The following PREX2 variants were observed in gnomAD, a reference collection of about 807,000 sequenced individuals.
PREX2 encodes the protein phosphatidylinositol 3,4,5-trisphosphate-dependent Rac exchanger 2 protein.
PREX2 carries 107 observed loss-of-function variants against 203.2 expected under a neutral mutation model. That is an observed-to-expected ratio of 0.53 (90% CI 0.45 to 0.62). The LOEUF (loss-of-function observed/expected upper bound fraction) is 0.62. PREX2 is among the 20% of genes least tolerant of loss of function. The pLI is 0.00. For missense variants in PREX2, 1,777 were observed against 1,955.9 expected (o/e 0.91, Z 1.72); for synonymous variants, 672 against 663.6 (o/e 1.01, Z -0.19).
At chr8:68,210,793 A>G (rs1034157076) in intron 37 of PREX2, among the ~76,000 whole-genome samples, 3 of 152,186 alleles carry the variant, frequency 2.0e-5, no homozygotes. Context: ...CAACTGTAGG[A>G]GGCCCGTAGT....
intron 1 of PREX2, among the ~76,000 whole-genome samples, chr8:67,981,167 T>C (rs1440035802): frequency 6.6e-6 from 1 of 152,150 alleles, no homozygotes; most frequent in Non-Finnish European, 1.5e-5. Context: ...ATGTTGGGTG[T>C]TTCCAACAAA....
At position 68,069,104 on chromosome 8, in the gene PREX2, C is replaced by G. The variant is rs368570319; in HGVS notation, c.1411C>G (p.Pro471Ala). 8.9e-6 allele frequency: 14 copies of G among 1,573,302 alleles called. No homozygotes were observed. The highest frequency in any genetic ancestry group is 8.6e-6 in the Non-Finnish European group (10 of 1,161,622). The change falls in exon 12 of 40, where the codon CCA (proline) becomes GCA (alanine). Residue 471 changes from proline to alanine, a missense_variant. Coordinates refer to ENST00000288368, the MANE Select transcript of PREX2 (RefSeq NM_024870.4). Reference protein sequence around the residue: ...RFRYDDGTFYPRNEMQDVISK... With the variant: ...RFRYDDGTFYARNEMQDVISK... ...TCGCTATGATGATGGAACATTTTAT[C>G]CAAGAAATGAGATGCAGGACGTGAT... is the stretch of plus-strand genomic sequence containing the variant.
intron 27 of PREX2, chr8:68,118,934 A>G (rs1032995044): frequency 1.8e-6 from 1 of 564,744 alleles, no homozygotes. Flanking sequence ...TACACAGGAA[A>G]TATACTGGAA....
intron 26 of PREX2, among the ~76,000 whole-genome samples, chr8:68,116,449 C>G (rs1004501661): frequency 2.0e-5 from 3 of 152,108 alleles, no homozygotes; most frequent in African/African-American, 7.2e-5. Context: ...GCTGCTGTAA[C>G]AGATTACTAC....
chr8:68,113,177 G>A (rs577415993), intron 25 of PREX2, among the ~76,000 whole-genome samples: 2 of 152,172 alleles, frequency 1.3e-5, no homozygotes, highest in Non-Finnish European at 1.5e-5. Flanking sequence ...TAAAAATACA[G>A]TTTTTCTATC....
intron 31 of PREX2, among the ~76,000 whole-genome samples, chr8:68,132,222 A>G (rs181572964): frequency 3.3e-5 from 5 of 152,258 alleles, no homozygotes; most frequent in South Asian, 4.1e-4. Flanking sequence ...CATTTGTTCA[A>G]TGTCTACTGT....
chr8:68,098,090 C>T (rs1381399890), intron 22 of PREX2, among the ~76,000 whole-genome samples: 1 of 152,148 alleles, frequency 6.6e-6, no homozygotes, highest in Non-Finnish European at 1.5e-5. Flanking sequence ...TAATAAAATA[C>T]ATGGTAAAGA....
At chr8:68,226,870 C>T (rs1813066167) in intron 39 of PREX2, among the ~76,000 whole-genome samples, 1 of 152,198 alleles carries the variant, frequency 6.6e-6, no homozygotes, top group Non-Finnish European at 1.5e-5. Context: ...CAGAATACTC[C>T]TGGGCCTGTC....
At chr8:68,216,246 A>G (rs1204367017) in intron 37 of PREX2, among the ~76,000 whole-genome samples, 1 of 152,222 alleles carries the variant, frequency 6.6e-6, no homozygotes, top group East Asian at 1.9e-4. Flanking sequence ...GAGCCTCATA[A>G]CCAAGAACTT....
chr8:68,068,886 T>C (rs1320089432), intron 11 of PREX2, 147 bp from the exon 12 acceptor site: 6 of 417,164 alleles, frequency 1.4e-5, no homozygotes, highest in Non-Finnish European at 2.5e-5. Context: ...AAATACTCAA[T>C]TGGTATTGCT....
intron 1 of PREX2, among the ~76,000 whole-genome samples, chr8:67,970,240 A>G (rs1448402545): frequency 6.6e-6 from 1 of 152,202 alleles, no homozygotes; most frequent in Non-Finnish European, 1.5e-5. Context: ...TTGGAGTCAT[A>G]GCCTCTAAAT....
intron 6 of PREX2, among the ~76,000 whole-genome samples, chr8:68,035,848 T>C (rs16934026): frequency 0.12 from 18,424 of 152,150 alleles, 3,419 homozygotes; most frequent in African/African-American, 0.4. Context: ...ACAGAAGCAT[T>C]TCAGTCAGAT....
chr8:68,131,137 C>T (rs1265626506), intron 31 of PREX2, among the ~76,000 whole-genome samples: 1 of 152,196 alleles, frequency 6.6e-6, no homozygotes, highest in Non-Finnish European at 1.5e-5. Context: ...TTTTAATGTG[C>T]TCTCCCAATA....
chr8:68,110,900 G>A (rs1159678580), intron 25 of PREX2: 4 of 400,248 alleles, frequency 1.0e-5, no homozygotes, highest in African/African-American at 2.1e-5. Context: ...TGCTAGTTTT[G>A]TATATTATAC....
chr8:68,125,556 G>T (rs1430699266), intron 30 of PREX2, among the ~76,000 whole-genome samples: 3 of 152,092 alleles, frequency 2.0e-5, no homozygotes, highest in Non-Finnish European at 4.4e-5. Context: ...TGAATTAAGT[G>T]AGGACAGATT....
Position 68,108,279 on chromosome 8 carries a change from G to A in PREX2, c.2886G>A (p.Leu962=), listed in dbSNP as rs368739381. 1.2e-6 allele frequency: 2 copies of A among 1,613,854 alleles called. No individual in the cohort carries two copies. Among genetic ancestry groups the A allele is most frequent in the African/African-American group, 2.7e-5 (2 of 74,910 alleles). ...TGGGAAGTGCATTTGGTGTTCAGTTGGATAGCAGGAAGCATAATTCTCATG... is the reference window on the plus strand; with the variant it reads ...TGGGAAGTGCATTTGGTGTTCAGTTAGATAGCAGGAAGCATAATTCTCATG... The part of the protein sequence containing the change: ...TSLGSAFGVQ[L]DSRKHNSHDK... The change falls in exon 24 of 40, where the codon TTG becomes TTA. Residue 962 remains leucine (L), a synonymous_variant. Transcript: ENST00000288368.
intron 39 of PREX2, among the ~76,000 whole-genome samples, chr8:68,229,964 C>T (rs2129615611): frequency 6.6e-6 from 1 of 152,284 alleles, no homozygotes; most frequent in South Asian, 2.1e-4. Context: ...GTATTCTTTT[C>T]TCTGGGAAGG....
At chr8:68,155,971 A>G (rs1811536603) in intron 34 of PREX2, among the ~76,000 whole-genome samples, 2 of 152,232 alleles carry the variant, frequency 1.3e-5, no homozygotes, top group Admixed American at 1.3e-4. Flanking sequence ...TTTTTATTAC[A>G]TTAATATTTC....
At position 68,055,944 on chromosome 8, in the gene PREX2, T is replaced by G. The variant is rs1393105238; in HGVS notation, c.1208T>G (p.Leu403Arg). Residue 403 changes from leucine (L) to arginine (R), a missense_variant, in exon 10 of 40, where the codon CTG becomes CGG. Coordinates refer to ENST00000288368, the MANE Select transcript of PREX2 (RefSeq NM_024870.4). ...GNLIKDRKRK[L>R]TTFPKCFLGS... The stretch of plus-strand genomic sequence containing the variant: ...CTGATCAAAGACCGAAAGAGAAAAC[T>G]GACTACGTTCCCTAAATGCTTTCTT... 6.2e-7 allele frequency: 1 copy of G among 1,612,730 alleles called. No homozygotes were observed. Among genetic ancestry groups the G allele is most frequent in the Non-Finnish European group, 8.5e-7 (1 of 1,179,504 alleles).
Sources: allele counts gnomAD v4.1 joint callset (sites outside exome capture counted in the v4.1 genomes callset), GRCh38; gene constraint gnomAD v4.1.1; transcripts MANE v1.5; gene names NCBI Gene and HGNC (gene_info 2026-07-23, HGNC 2026-07-21).